TRPC5: variants seen among roughly 807,000 people sequenced by gnomAD.
TRPC5 encodes short transient receptor potential channel 5.
Under a neutral mutation model 56.5 loss-of-function variants are expected in TRPC5, and 9 were observed. The ratio of observed to expected loss-of-function variants is 0.16; its 90% CI spans 0.10 to 0.28. The LOEUF (loss-of-function observed/expected upper bound fraction) is 0.28. Ranked by LOEUF, TRPC5 falls within the 10% of genes least tolerant of loss-of-function variation. The pLI is 1.00. For missense variants in TRPC5, 469 were observed against 748.9 expected, an observed-to-expected ratio of 0.63 and a Z score of 4.36; for synonymous variants, 282 against 278.5, an observed-to-expected ratio of 1.01 and a Z score of -0.13.
intron 7 of TRPC5, among the ~76,000 whole-genome samples, chrX:111,785,237 T>A (rs994335354): frequency 3.6e-5 from 4 of 111,990 alleles, no homozygotes; most frequent in African/African-American, 6.5e-5. Flanking sequence ...ATTTGCTGTT[T>A]TGCAGCCTCC....
At chrX:111,933,400 C>T (rs1176575341) in intron 2 of TRPC5, among the ~76,000 whole-genome samples, 1 of 110,912 alleles carries the variant, frequency 9.0e-6, no homozygotes, top group African/African-American at 3.3e-5. Context: ...AGGGAGAGGA[C>T]ATGACATCAT....
At chrX:111,827,105 A>G (rs746042884) in intron 7 of TRPC5, among the ~76,000 whole-genome samples, 36 of 111,681 alleles carry the variant, frequency 3.2e-4, no homozygotes, top group Non-Finnish European at 6.0e-4. Flanking sequence ...ATGACTTATT[A>G]GCATATTGGG....
intron 3 of TRPC5, among the ~76,000 whole-genome samples, chrX:111,854,887 G>A (rs1235047159): frequency 5.4e-5 from 6 of 111,818 alleles, no homozygotes; most frequent in Middle Eastern, 4.2e-3. Flanking sequence ...CTGGCATTAC[G>A]ATATTGTATA....
chrX:111,838,864 A>T (rs1228969516), intron 6 of TRPC5, among the ~76,000 whole-genome samples: 2 of 111,847 alleles, frequency 1.8e-5, no homozygotes, highest in Non-Finnish European at 3.8e-5. Flanking sequence ...ATGAGGAATT[A>T]CCCTTTCAAA....
At chrX:111,802,470 TA>T (rs767434835) in intron 7 of TRPC5, among the ~76,000 whole-genome samples, 1 of 111,568 alleles carries the variant, frequency 9.0e-6, no homozygotes. Flanking sequence ...CACAAAGCAG[TA>T]AAAAAAATTC....
In TRPC5 at chrX:111,853,773, G is replaced by C; in HGVS notation, c.1234C>G (p.Leu412Val). ...VVEWMILPWV[L>V]GFIWGEIKEM... is the part of the protein sequence containing the mutation. ...GGTCCTGGTCCCTTTGACTTACCTA[G>C]AACCCAAGGCAATATCATCCATTCC... The change falls in exon 4 of 11, where the codon CTA (leucine) becomes GTA (valine). Residue 412 changes from leucine (L) to valine (V), a missense_variant. Transcript: ENST00000262839. 8.3e-7 allele frequency: 1 copy of C among 1,210,532 alleles called. No homozygotes were observed. Among genetic ancestry groups the C allele is most frequent in the Non-Finnish European group, 1.1e-6 (1 of 894,677 alleles).
At chrX:111,888,720 GAAAGA>G (rs1197355115) in intron 3 of TRPC5, among the ~76,000 whole-genome samples, 152 of 76,179 alleles carry the variant, frequency 2.0e-3, no homozygotes, top group Admixed American at 3.7e-3. Context: ...AAAAAAAAAA[GAAAGA>G]AAAGAAAAGA....
intron 3 of TRPC5, among the ~76,000 whole-genome samples, chrX:111,884,536 A>C (rs972961677): frequency 1.8e-5 from 2 of 113,017 alleles, no homozygotes; most frequent in Non-Finnish European, 3.7e-5. Context: ...GCCAAAGCCC[A>C]GTTAAGGTTT....
chrX:111,865,518 G>T (rs1923526873), intron 3 of TRPC5, among the ~76,000 whole-genome samples: 1 of 109,449 alleles, frequency 9.1e-6, no homozygotes, highest in African/African-American at 3.3e-5. Flanking sequence ...AGTAGAGACA[G>T]GGTTTCACCA....
rs149244707 is a variant in TRPC5, at chrX:111,865,533, G to A, written c.901-11427C>T. Reference sequence around the variant, plus strand: ...AGTAGAGACAGGGTTTCACCATGTTGGCCAGGATGGTCTTGATCTCTTGCC... The same window carrying A: ...AGTAGAGACAGGGTTTCACCATGTTAGCCAGGATGGTCTTGATCTCTTGCC... On this transcript the variant is annotated intron_variant, in intron 3 of 10. Transcript: ENST00000262839. Among the ~76,000 whole-genome samples the A allele has an allele frequency of 7.9e-3, 854 of 108,714 alleles. 6 individuals carry two copies. The highest frequency in any genetic ancestry group is 0.027 in the African/African-American group (793 of 29,707). The allele number at this position is 108,714 out of a possible 115,157, so 94.4% of individuals were successfully genotyped here. A position where few individuals can be genotyped will look rare whatever the true frequency, so the allele number is the denominator to read the frequency against.
chrX:111,889,939 C>T (rs868148928), intron 3 of TRPC5, among the ~76,000 whole-genome samples: 2 of 110,718 alleles, frequency 1.8e-5, no homozygotes, highest in Non-Finnish European at 3.8e-5. Context: ...ACTCTGGGAA[C>T]GATAGTATGT....
At chrX:111,825,274 G>A (rs184524609) in intron 7 of TRPC5, among the ~76,000 whole-genome samples, 23 of 87,766 alleles carry the variant, frequency 2.6e-4, no homozygotes, top group Middle Eastern at 7.5e-3. Flanking sequence ...TTCTTTCTTC[G>A]ACAGTCTTGC....
intron 1 of TRPC5, among the ~76,000 whole-genome samples, chrX:112,075,466 T>C (rs1286686074): frequency 8.9e-6 from 1 of 112,418 alleles, no homozygotes; most frequent in African/African-American, 3.2e-5. Flanking sequence ...CAGAAGATTA[T>C]GGTAGACAAG....
chrX:111,958,414 A>T (rs1927291037), intron 1 of TRPC5, among the ~76,000 whole-genome samples: 1 of 112,301 alleles, frequency 8.9e-6, no homozygotes, highest in Admixed American at 9.4e-5. Context: ...ACTCCATAAT[A>T]GCCAGAACCT....
intron 7 of TRPC5, among the ~76,000 whole-genome samples, chrX:111,821,422 T>C (rs1023355786): frequency 1.8e-5 from 2 of 111,854 alleles, no homozygotes; most frequent in Non-Finnish European, 3.8e-5. Context: ...ACAGCTGAGA[T>C]AACGTAATTC....
intron 1 of TRPC5, among the ~76,000 whole-genome samples, chrX:112,025,897 C>T (rs1297356041): frequency 1.8e-5 from 2 of 111,813 alleles, no homozygotes; most frequent in Non-Finnish European, 3.8e-5. Flanking sequence ...CTGTTGGCAC[C>T]CTCAACCTCT....
At chrX:111,829,199 G>A (rs1400616545) in intron 7 of TRPC5, among the ~76,000 whole-genome samples, 14 of 107,274 alleles carry the variant, frequency 1.3e-4, no homozygotes, top group African/African-American at 4.8e-4. Context: ...CTACTCAGGA[G>A]GCTGAGGTAG....
chrX:111,977,325 G>A (rs5943229), intron 1 of TRPC5, among the ~76,000 whole-genome samples: 1,855 of 111,028 alleles, frequency 0.017, 12 homozygotes, highest in Non-Finnish European at 0.024. Flanking sequence ...AAAAATAAAC[G>A]CACACATTTA....
chrX:111,802,089 A>G (rs751810080), intron 7 of TRPC5, among the ~76,000 whole-genome samples: 32 of 112,062 alleles, frequency 2.9e-4, no homozygotes, highest in Non-Finnish European at 5.8e-4. Flanking sequence ...ACTCTTTTGC[A>G]TGTGGAAATC....
Sources: gnomAD v4.1 joint callset for allele counts (sites outside exome capture counted in the v4.1 genomes callset) on GRCh38, gnomAD v4.1.1 for gene constraint, MANE v1.5 for transcripts, NCBI Gene and HGNC (gene_info 2026-07-23, HGNC 2026-07-21) for gene names.